The following DGKB variants were observed in gnomAD, a reference collection of about 807,000 sequenced individuals.
The protein encoded by DGKB is 90 kDa diacylglycerol kinase.
Under a neutral mutation model 114.3 loss-of-function variants are expected in DGKB, and 67 were observed. The ratio of observed to expected loss-of-function variants is 0.59; its 90% CI spans 0.48 to 0.72. The LOEUF is 0.72. Ranked by LOEUF, DGKB falls within the 30% of genes least tolerant of loss-of-function variation. The pLI is 0.00. For synonymous variants in DGKB, 398 were observed against 323.1 expected (o/e 1.23, Z -2.49); for missense variants, 907 against 975.2 (o/e 0.93, Z 0.93).
intron 23 of DGKB, among the ~76,000 whole-genome samples, chr7:14,331,233 T>C (rs1809661104): frequency 6.6e-6 from 1 of 152,070 alleles, no homozygotes; most frequent in Non-Finnish European, 1.5e-5. Context: ...ATGGTATTAG[T>C]GTATGCATAT....
At chr7:14,630,740 A>G (rs1809524207) in intron 13 of DGKB, among the ~76,000 whole-genome samples, 1 of 152,048 alleles carries the variant, frequency 6.6e-6, no homozygotes, top group Admixed American at 6.6e-5. Flanking sequence ...AACATATTCC[A>G]TTAATACCAG....
intron 1 of DGKB, among the ~76,000 whole-genome samples, chr7:14,954,653 A>C (rs1345542970): frequency 6.6e-6 from 1 of 152,072 alleles, no homozygotes; most frequent in East Asian, 1.9e-4. Context: ...AAATGTGGAC[A>C]TATTTAAGAT....
intron 5 of DGKB, among the ~76,000 whole-genome samples, chr7:14,729,782 C>T (rs60293350): frequency 0.05 from 7,552 of 152,198 alleles, 290 homozygotes; most frequent in Admixed American, 0.1. Context: ...TATAATATAA[C>T]TGAACACATA....
At chr7:14,607,321 T>A (rs1339434991) in intron 17 of DGKB, 113 bp downstream of exon 17, 4 of 607,312 alleles carry the variant, frequency 6.6e-6, no homozygotes. Context: ...TTCATTTTTA[T>A]GTACTAATAT....
rs181636190 is a variant in DGKB at position 14,733,479 on chromosome 7, G to A, written c.322+2562C>T. ...AGGCGGGCAGATTGCTTGAGGCCAG[G>A]CATTCGAGACCAGCCTGGTCAACAT... On this transcript the variant is annotated intron_variant, in intron 5 of 25. Transcript: ENST00000402815. 4.6e-3 allele frequency among the ~76,000 whole-genome samples: 695 copies of A among 152,202 alleles called. 2 individuals carry two copies. The highest frequency in any genetic ancestry group is 7.5e-3 in the Non-Finnish European group (507 of 67,994).
rs147387730 is a variant in DGKB, at chr7:14,974,325, C to A, written c.-188+371G>T. On this transcript the variant is annotated intron_variant, in intron 1 of 4. Transcript: ENST00000437998. The stretch of plus-strand genomic sequence containing the variant: ...AAGGGGGCAGAAAACACATGAGAGA[C>A]AAGTTATTTTTAAAGTTGACAACAA... 2.3e-3 allele frequency among the ~76,000 whole-genome samples: 353 copies of A among 152,042 alleles called. 1 individual carries two copies. Among genetic ancestry groups the A allele is most frequent in the East Asian group, 0.02 (104 of 5,156 alleles).
intron 21 of DGKB, among the ~76,000 whole-genome samples, chr7:14,365,391 A>G (rs1384468366): frequency 6.6e-6 from 1 of 152,012 alleles, no homozygotes; most frequent in Non-Finnish European, 1.5e-5. Context: ...TTGCTCACTC[A>G]TTGTTGGAGT....
chr7:14,453,983 G>T (rs1236717701), intron 21 of DGKB, among the ~76,000 whole-genome samples: 5 of 152,044 alleles, frequency 3.3e-5, no homozygotes, highest in African/African-American at 1.2e-4. Context: ...TCTTGGAAGT[G>T]TTTCATTAAT....
intron 1 of DGKB, among the ~76,000 whole-genome samples, chr7:14,915,167 G>C (rs1250543382): frequency 6.6e-6 from 1 of 152,086 alleles, no homozygotes; most frequent in African/African-American, 2.4e-5. Context: ...AGGAGTTTGA[G>C]ACCAGCCTGG....
At chr7:14,213,948 T>C (rs73273612) in intron 23 of DGKB, among the ~76,000 whole-genome samples, 2,700 of 152,276 alleles carry the variant, frequency 0.018, 87 homozygotes, top group African/African-American at 0.062. Flanking sequence ...TAGTTATTAG[T>C]ATAGTGAGGT....
At chr7:14,937,073 C>CACAT (rs1230215441) in intron 1 of DGKB, among the ~76,000 whole-genome samples, 1 of 101,490 alleles carries the variant, frequency 9.9e-6, no homozygotes, top group African/African-American at 3.4e-5. Context: ...CACACACACA[C>CACAT]ATCTTTTGTT....
intron 16 of DGKB, among the ~76,000 whole-genome samples, chr7:14,608,256 A>G (rs1804884828): frequency 1.3e-5 from 2 of 152,090 alleles, no homozygotes; most frequent in African/African-American, 4.8e-5. Flanking sequence ...GTTAGGCATT[A>G]TTCCTGGGAT....
chr7:14,741,559 G>A (rs1832587304), intron 4 of DGKB, among the ~76,000 whole-genome samples: 1 of 152,076 alleles, frequency 6.6e-6, no homozygotes, highest in African/African-American at 2.4e-5. Flanking sequence ...CCTGGCTTAG[G>A]GAATGAGTAG....
chr7:14,714,220 A>G (rs1420917695), intron 6 of DGKB, among the ~76,000 whole-genome samples: 1 of 152,076 alleles, frequency 6.6e-6, no homozygotes, highest in Non-Finnish European at 1.5e-5. Context: ...TCAATCAAAT[A>G]TACACTGTGG....
chr7:14,490,316 A>G lies in DGKB; in HGVS notation c.1771-12091T>C, dbSNP rs181223083. On this transcript the variant is annotated intron_variant, in intron 20 of 25. Coordinates refer to ENST00000402815, the MANE Select transcript of DGKB (RefSeq NM_001350709.2). ...GAGAATCAAGCTTTATTATAAGAAT[A>G]ATTTCCAAAATATAATTATTTTCTT... is the stretch of plus-strand genomic sequence containing the variant. Among the ~76,000 whole-genome samples, 85 of 152,296 alleles carry G rather than the reference A, an allele frequency of 5.6e-4. 1 individual carries two copies. The East Asian group carries it at 0.011, about 20-fold the overall frequency.
At chr7:14,542,037 A>AT (rs1296241720) in intron 20 of DGKB, among the ~76,000 whole-genome samples, 8 of 152,068 alleles carry the variant, frequency 5.3e-5, no homozygotes, top group African/African-American at 1.2e-4. Flanking sequence ...ATGTAAATAG[A>AT]TTTTTTGTCT....
At chr7:14,608,202 T>G (rs1324086639) in intron 16 of DGKB, among the ~76,000 whole-genome samples, 1 of 151,860 alleles carries the variant, frequency 6.6e-6, no homozygotes, top group South Asian at 2.1e-4. Context: ...ATACTAAAAG[T>G]AAAGAGATAA....
At chr7:14,807,738 T>C (rs763607303) in intron 2 of DGKB, among the ~76,000 whole-genome samples, 6 of 152,030 alleles carry the variant, frequency 3.9e-5, no homozygotes, top group Non-Finnish European at 5.9e-5. Context: ...CATTTTATGG[T>C]AGAATAATTT....
intron 2 of DGKB, among the ~76,000 whole-genome samples, chr7:14,773,869 T>C (rs1837769849): frequency 6.6e-6 from 1 of 152,160 alleles, no homozygotes; most frequent in Non-Finnish European, 1.5e-5. Context: ...AACAGTTACA[T>C]TTCCATGAAC....
Sources: allele counts gnomAD v4.1 joint callset (sites outside exome capture counted in the v4.1 genomes callset), GRCh38; gene constraint gnomAD v4.1.1; transcripts MANE v1.5; gene names NCBI Gene and HGNC (gene_info 2026-07-23, HGNC 2026-07-21).